The following CUX1 variants were observed in gnomAD, a reference collection of about 807,000 sequenced individuals.
The protein encoded by CUX1 is protein CASP.
CUX1 carries 31 observed loss-of-function variants against 158.8 expected under a neutral mutation model. The ratio of observed to expected loss-of-function variants is 0.20; its 90% CI spans 0.15 to 0.26. CUX1 has a LOEUF of 0.26. CUX1 is among the 10% of genes least tolerant of loss of function. The pLI is 1.00. For synonymous variants in CUX1, 879 were observed against 862.1 expected (o/e 1.02, Z -0.34); for missense variants, 1,589 against 2,014.6 (o/e 0.79, Z 4.04).
intron 6 of CUX1, 111 bp downstream of exon 6, chr7:102,104,570 CAAA>C: frequency 7.1e-7 from 1 of 1,409,168 alleles, no homozygotes; most frequent in Non-Finnish European, 9.6e-7. Flanking sequence ...GTTGTAACCC[CAAA>C]TCTATAAGGG....
chr7:101,923,362 A>G (rs1215100823), intron 2 of CUX1, among the ~76,000 whole-genome samples: 2 of 152,120 alleles, frequency 1.3e-5, no homozygotes, highest in Non-Finnish European at 2.9e-5. Context: ...ATATGGGAGG[A>G]ACCTTCTCTG....
intron 5 of CUX1, among the ~76,000 whole-genome samples, chr7:102,102,665 G>A (rs192247402): frequency 1.6e-3 from 241 of 152,256 alleles, no homozygotes; most frequent in Admixed American, 3.0e-3. Context: ...AGTCATTCAT[G>A]CCACAGTGCT....
At chr7:102,139,472 A>T (rs1554499624) in intron 8 of CUX1, among the ~76,000 whole-genome samples, 1 of 152,126 alleles carries the variant, frequency 6.6e-6, no homozygotes. Context: ...GATTATTACC[A>T]CCTGAAACAG....
In CUX1 at chr7:101,841,041, C is replaced by A. The variant is rs181098094; in HGVS notation, c.30+23372C>A. Among the ~76,000 whole-genome samples, 26 of 152,022 alleles carry A rather than the reference C, an allele frequency of 1.7e-4. No homozygotes were observed. In the East Asian group the frequency reaches 4.8e-3, roughly 28 times the overall value. On this transcript the variant is annotated intron_variant, in intron 1 of 23. Transcript: ENST00000292535. The stretch of plus-strand genomic sequence containing the variant: ...CTCGAGTAGCTGGGACTACAGGTGC[C>A]CGCCACCACGCCTGGCTAATTTTTT...
intron 2 of CUX1, among the ~76,000 whole-genome samples, chr7:101,952,218 A>G (rs1585075493): frequency 1.3e-5 from 2 of 152,204 alleles, no homozygotes; most frequent in Middle Eastern, 3.4e-3. Flanking sequence ...CCCCGTCTCT[A>G]CAAAAAAAAA....
intron 2 of CUX1, among the ~76,000 whole-genome samples, chr7:101,920,175 G>A (rs1804746784): frequency 6.7e-6 from 1 of 150,112 alleles, no homozygotes; most frequent in South Asian, 2.1e-4. Flanking sequence ...AGGCTGGAGT[G>A]CAGTAGCACG....
chr7:101,974,763 T>C (rs560160867), intron 2 of CUX1, among the ~76,000 whole-genome samples: 6 of 152,248 alleles, frequency 3.9e-5, no homozygotes, highest in African/African-American at 1.4e-4. Context: ...TCTATTTTCT[T>C]AAATTTTATA....
At chr7:101,910,205 G>T (rs900997728) in intron 1 of CUX1, among the ~76,000 whole-genome samples, 5 of 152,102 alleles carry the variant, frequency 3.3e-5, no homozygotes, top group Non-Finnish European at 4.4e-5. Flanking sequence ...GGAGCACAGT[G>T]GCTTGATTAT....
In CUX1 at chr7:101,973,383, A is replaced by ACTGCCCCC. The variant is rs1161408837; in HGVS notation, c.142-54713_142-54706dup. Among the ~76,000 whole-genome samples the ACTGCCCCC allele has an allele frequency of 2.0e-5, 3 of 151,976 alleles. No individual in the cohort carries two copies. In the East Asian group the frequency reaches 5.8e-4, roughly 29 times the overall value. ...TTTTAATGAGAGGCTCATTTCCACC[A>ACTGCCCCC]CTGCCCCCCAGCCCTCCGCAGCAAG... is the stretch of plus-strand genomic sequence containing the variant. On this transcript the variant is annotated intron_variant, in intron 2 of 23. Coordinates refer to ENST00000292535, the MANE Select transcript of CUX1 (RefSeq NM_181552.4).
chr7:102,098,906 C>A (rs575697440), intron 5 of CUX1, among the ~76,000 whole-genome samples: 1 of 150,362 alleles, frequency 6.7e-6, no homozygotes, highest in African/African-American at 2.4e-5. Flanking sequence ...TGATCCACCC[C>A]CCTCAGCCTC....
intron 1 of CUX1, among the ~76,000 whole-genome samples, chr7:101,819,182 T>A (rs1209373041): frequency 6.6e-6 from 1 of 152,240 alleles, no homozygotes; most frequent in African/African-American, 2.4e-5. Context: ...TTGCTAAGAC[T>A]AGTTGGACAA....
intron 21 of CUX1, among the ~76,000 whole-genome samples, chr7:102,282,301 G>A (rs1792136099): frequency 6.6e-6 from 1 of 152,206 alleles, no homozygotes. Flanking sequence ...CTCCCCAGCT[G>A]TGGAGGTGGC....
intron 3 of CUX1, among the ~76,000 whole-genome samples, chr7:102,045,960 G>A (rs758763292): frequency 6.6e-6 from 1 of 152,204 alleles, no homozygotes; most frequent in Non-Finnish European, 1.5e-5. Flanking sequence ...GGTGCATGGG[G>A]TTTCTGAATC....
At chr7:102,085,985 C>T (rs1827918137) in intron 4 of CUX1, among the ~76,000 whole-genome samples, 1 of 152,080 alleles carries the variant, frequency 6.6e-6, no homozygotes, top group Non-Finnish European at 1.5e-5. Flanking sequence ...CTTCTTGAGT[C>T]AGTTTTGGTA....
chr7:102,274,085 G>A (rs551473706), intron 15 of CUX1: 8 of 663,566 alleles, frequency 1.2e-5, no homozygotes, highest in Admixed American at 6.3e-5. Flanking sequence ...CTCATGTCAC[G>A]TGTCCAGGTC....
In CUX1 at chr7:102,214,227, CAAG is replaced by C. The variant is rs1317543694; in HGVS notation, c.3130+9064_3130+9066del. ...GAGATAAAAGGTGATTTGCCCCAAT[CAAG>C]AAGAAGGTGGTGGCCAGGCGTGGTG... On this transcript the variant is annotated intron_variant, in intron 20 of 23. Transcript: ENST00000292535. Among the ~76,000 whole-genome samples, 4 of 152,178 alleles carry C rather than the reference CAAG, an allele frequency of 2.6e-5. No homozygotes were observed. The East Asian group carries it at 5.8e-4, about 22-fold the overall frequency.
In CUX1 at chr7:102,248,267, G is replaced by A; in HGVS notation, c.3888-145G>A. On this transcript the variant is annotated intron_variant, in intron 23 of 23. Transcript: ENST00000292535. The surrounding 1 kb of genome is among the most constrained non-coding windows in gnomAD (Gnocchi z 5.8). Reference sequence around the variant, plus strand: ...GACTCTGGAGAGGGGCTGCCCCGTGGCCCGAGGGTCGCTGGAGGGGCACGG... The same window carrying A: ...GACTCTGGAGAGGGGCTGCCCCGTGACCCGAGGGTCGCTGGAGGGGCACGG... 1.4e-6 allele frequency: 1 copy of A among 708,426 alleles called. No homozygotes were observed. The highest frequency in any genetic ancestry group is 2.2e-6 in the Non-Finnish European group (1 of 454,910). 43.9% of individuals were successfully genotyped at this position (708,426 alleles called of 1,614,324 possible).
At chr7:102,181,559 C>T (rs1198110678) in intron 11 of CUX1, among the ~76,000 whole-genome samples, 1 of 152,118 alleles carries the variant, frequency 6.6e-6, no homozygotes, top group Non-Finnish European at 1.5e-5. Flanking sequence ...AATTAATGTT[C>T]GTTATCCGTA....
In CUX1 at chr7:101,869,876, T is replaced by C. The variant is rs1798304486; in HGVS notation, c.31-46239T>C. ...CTTGTTAAGACGCGCTCCGCCCCTGTGTCCTTATTTCCCACCGTGGTGGGC... is the reference window on the plus strand; with the variant it reads ...CTTGTTAAGACGCGCTCCGCCCCTGCGTCCTTATTTCCCACCGTGGTGGGC... On this transcript the variant is annotated intron_variant, in intron 1 of 23. Coordinates refer to ENST00000292535, the MANE Select transcript of CUX1 (RefSeq NM_181552.4). The surrounding 1 kb of genome is among the most constrained non-coding windows in gnomAD (Gnocchi z 4.5). 6.6e-6 allele frequency among the ~76,000 whole-genome samples: 1 copy of C among 152,132 alleles called. No homozygotes were observed. The highest frequency in any genetic ancestry group is 2.1e-4 in the South Asian group (1 of 4,830).
Sources: allele counts gnomAD v4.1 joint callset (sites outside exome capture counted in the v4.1 genomes callset), GRCh38; gene constraint gnomAD v4.1.1; non-coding constraint Gnocchi (gnomAD v3.1); transcripts MANE v1.5; gene names NCBI Gene and HGNC (gene_info 2026-07-23, HGNC 2026-07-21).